The following PFKL variants were observed in gnomAD, a reference collection of about 807,000 sequenced individuals.
The protein encoded by PFKL is ATP-dependent 6-phosphofructokinase, liver type.
Under a neutral mutation model 92.1 loss-of-function variants are expected in PFKL, and 74 were observed. That is an observed-to-expected ratio of 0.80 (90% CI 0.67 to 0.97). PFKL has a LOEUF of 0.97. Among genes scored for constraint, PFKL ranks in the 50% least tolerant of loss-of-function variants. The pLI is 0.00. For synonymous variants in PFKL, 494 were observed against 456.4 expected, an observed-to-expected ratio of 1.08 and a Z score of -1.05; for missense variants, 1,028 against 1,116.6, an observed-to-expected ratio of 0.92 and a Z score of 1.13.
intron 19 of PFKL, 169 bp downstream of exon 19, chr21:44,325,433 G>A (rs1443448324): frequency 8.4e-6 from 5 of 598,032 alleles, no homozygotes; most frequent in African/African-American, 3.8e-5. Flanking sequence ...TCTAGGTGAG[G>A]TCTCATTTCA....
chr21:44,324,860 ACGTGGAGCACATGACGG>A lies in PFKL; in HGVS notation c.1821_1837del (p.Asn607LysfsTer20). ...CCGTGTCCGCCCCTCCCGCAGGTCAACGTGGAGCACATGACGGAGAAGATGAAGACAGACATTCAGAG... is the reference window on the plus strand; with the variant it reads ...CCGTGTCCGCCCCTCCCGCAGGTCAAAGAAGATGAAGACAGACATTCAGAG... On this transcript the variant is annotated frameshift_variant, in exon 18 of 22. Coordinates refer to ENST00000349048, the MANE Select transcript of PFKL (RefSeq NM_002626.6). LOFTEE classifies it high-confidence loss of function. 6.2e-7 allele frequency: 1 copy of A among 1,608,256 alleles called. No individual in the cohort carries two copies. The highest frequency in any genetic ancestry group is 1.1e-5 in the South Asian group (1 of 90,544).
chr21:44,312,415 C>G, intron 4 of PFKL, 121 bp downstream of exon 4: 1 of 934,986 alleles, frequency 1.1e-6, no homozygotes, highest in Non-Finnish European at 1.5e-6. Context: ...AGAGGAGGGG[C>G]TGTCTGGCCG....
chr21:44,300,068 GC>G lies in PFKL; in HGVS notation c.-37del. The G allele has an allele frequency of 1.0e-6, 1 of 996,854 alleles. No individual in the cohort carries two copies. Among genetic ancestry groups the G allele is most frequent in the Non-Finnish European group, 1.2e-6 (1 of 826,274 alleles). 61.8% of individuals were successfully genotyped at this position (996,854 alleles called of 1,614,324 possible). The stretch of plus-strand genomic sequence containing the variant: ...CGGGGACGGCGACGCGGCGCAGGCG[GC>G]GGGAGTGCGAGCTGGGCCCGTGTTT... On this transcript the variant is annotated 5_prime_UTR_variant, in exon 1 of 22. Coordinates refer to ENST00000349048, the MANE Select transcript of PFKL (RefSeq NM_002626.6).
chr21:44,321,963 G>A, intron 13 of PFKL, 88 bp downstream of exon 13: 1 of 1,493,596 alleles, frequency 6.7e-7, no homozygotes, highest in Non-Finnish European at 9.0e-7. Context: ...GCTGCTGGAG[G>A]TGGAGGCTGA....
chr21:44,322,679 A>G (rs116474982), intron 14 of PFKL, among the ~76,000 whole-genome samples: 3,025 of 152,238 alleles, frequency 0.02, 106 homozygotes, highest in African/African-American at 0.069. Context: ...GTGTTGGGCG[A>G]GAAAGCCTCG....
In PFKL at chr21:44,313,671, C is replaced by T. The variant is rs1324460416; in HGVS notation, c.627C>T (p.Gly209=). Residue 209 remains glycine, a synonymous_variant, in exon 6 of 22, where the codon GGC becomes GGT. Coordinates refer to ENST00000349048, the MANE Select transcript of PFKL (RefSeq NM_002626.6). ...GGACCTTCGTGCTGGAAGTGATGGG[C>T]CGGCACTGCGGGTGAGGAGGGGCTT... The part of the protein sequence containing the change: ...HQRTFVLEVM[G]RHCGYLALVS... The T allele has an allele frequency of 5.0e-6, 8 of 1,612,072 alleles. No individual in the cohort carries two copies. The highest frequency in any genetic ancestry group is 5.9e-6 in the Non-Finnish European group (7 of 1,179,612).
At chr21:44,326,365 C>A in intron 21 of PFKL, 101 bp downstream of exon 21, 2 of 860,100 alleles carry the variant, frequency 2.3e-6, no homozygotes, top group Non-Finnish European at 3.7e-6. Context: ...GGCACCCTGA[C>A]CCCGCAAGGC....
chr21:44,310,249 C>T (rs929733155), intron 2 of PFKL, among the ~76,000 whole-genome samples: 9 of 152,228 alleles, frequency 5.9e-5, no homozygotes, highest in African/African-American at 1.9e-4. Context: ...GCACGTGGCA[C>T]GGAGGCTGTG....
At position 44,318,600 on chromosome 21, in the gene PFKL, G is replaced by A; in HGVS notation, c.1062+5G>A. On this transcript the variant is annotated splice_donor_5th_base_variant and intron_variant, in intron 10 of 21. Transcript: ENST00000349048. ...CTCATGGAGTGCGTGCAGATGGTAA[G>A]CCCTGGGCCCCCCCCATCAGAACCG... 3 of 1,477,234 alleles carry A rather than the reference G, an allele frequency of 2.0e-6. No homozygotes were observed. Among genetic ancestry groups the A allele is most frequent in the Non-Finnish European group, 2.7e-6 (3 of 1,101,202 alleles). The allele number at this position is 1,477,234 out of a possible 1,614,324, so 91.5% of individuals were successfully genotyped here.
chr21:44,326,888 CA>C lies in PFKL; in HGVS notation c.*27del. On this transcript the variant is annotated 3_prime_UTR_variant, in exon 22 of 22. Transcript: ENST00000349048. ...GGCCAGCCATGCCCACGCCCCTCCC[CA>C]GCCCCCACCCATGCCAGCGCAGCGC... 1.9e-6 allele frequency: 3 copies of C among 1,582,880 alleles called. No homozygotes were observed. Among genetic ancestry groups the C allele is most frequent in the Non-Finnish European group, 2.6e-6 (3 of 1,162,318 alleles).
At chr21:44,325,469 C>T in intron 19 of PFKL, 1 of 588,350 alleles carries the variant, frequency 1.7e-6, no homozygotes, top group East Asian at 2.8e-5. Context: ...GGGGCTGGAG[C>T]CGGGGCCCGA....
chr21:44,306,612 G>C, intron 1 of PFKL, 69 bp from the exon 2 acceptor site: 1 of 1,388,050 alleles, frequency 7.2e-7, no homozygotes, highest in Non-Finnish European at 9.9e-7. Context: ...CCTGTCCTCT[G>C]AGATGGGGAG....
At chr21:44,319,748 C>A (rs1228747249) in intron 11 of PFKL, 9 of 521,002 alleles carry the variant, frequency 1.7e-5, no homozygotes, top group Non-Finnish European at 3.1e-5. Context: ...GGTACCACCC[C>A]CCTGCAGGCG....
Position 44,326,720 on chromosome 21 carries a change from G to A in PFKL, c.2201G>A (p.Arg734His), listed in dbSNP as rs2047524952. The change falls in exon 22 of 22, where the codon CGC becomes CAC. Residue 734 changes from arginine to histidine, a missense_variant. Transcript: ENST00000349048. The part of the protein sequence containing the change: ...ELKKDTDFEH[R>H]MPREQWWLSL... Reference sequence around the variant, plus strand: ...CCCATCCCCGTCCTGCACAGGCACCGCATGCCACGGGAGCAGTGGTGGCTG... The same window carrying A: ...CCCATCCCCGTCCTGCACAGGCACCACATGCCACGGGAGCAGTGGTGGCTG... 5 of 1,611,408 alleles carry A rather than the reference G, an allele frequency of 3.1e-6. No homozygotes were observed. The highest frequency in any genetic ancestry group is 2.5e-6 in the Non-Finnish European group (3 of 1,179,312).
intron 16 of PFKL, 69 bp downstream of exon 16, chr21:44,323,987 C>G (rs1376006011): frequency 6.4e-7 from 1 of 1,570,848 alleles, no homozygotes; most frequent in Non-Finnish European, 8.7e-7. Flanking sequence ...CCTACGGAGG[C>G]TGCTGGAGGG....
chr21:44,325,162 G>A lies in PFKL; in HGVS notation c.1887G>A (p.Lys629=). The A allele has an allele frequency of 6.2e-7, 1 of 1,610,602 alleles. No homozygotes were observed. Among genetic ancestry groups the A allele is most frequent in the Middle Eastern group, 1.7e-4 (1 of 6,058 alleles). Residue 629 remains lysine, a synonymous_variant, in exon 19 of 22, where the codon AAG becomes AAA. Transcript: ENST00000349048. ...IQRGLVLRNE[K]CHDYYTTEFL... ...CTGCTGCCCCTCTCAGGAACGAGAA[G>A]TGCCATGACTACTACACCACGGAGT...
rs561349901 is a variant in PFKL, at chr21:44,318,373, G to C, written c.937-97G>C. Reference sequence around the variant, plus strand: ...CTGGAAGCTTCCGTCAGCGTGGGGGGCTCTGGAAGCTGGGGTTTGCACATC... The same window carrying C: ...CTGGAAGCTTCCGTCAGCGTGGGGGCCTCTGGAAGCTGGGGTTTGCACATC... On this transcript the variant is annotated intron_variant, in intron 9 of 21. Coordinates refer to ENST00000349048, the MANE Select transcript of PFKL (RefSeq NM_002626.6). 28 of 1,284,402 alleles carry C rather than the reference G, an allele frequency of 2.2e-5. 1 individual carries two copies. The African/African-American group carries it at 4.1e-4, about 19-fold the overall frequency. 79.6% of individuals were successfully genotyped at this position (1,284,402 alleles called of 1,614,324 possible). A position where few individuals can be genotyped will look rare whatever the true frequency, so the allele number is the denominator to read the frequency against.
At chr21:44,307,455 C>G in intron 2 of PFKL, 1 of 247,908 alleles carries the variant, frequency 4.0e-6, no homozygotes, top group Non-Finnish European at 6.4e-6. Context: ...TTCCACAAGA[C>G]AAGGTCTTTT....
Position 44,324,849 on chromosome 21 carries a change from C to A in PFKL, c.1816-7C>A. On this transcript the variant is annotated splice_polypyrimidine_tract_variant and splice_region_variant and intron_variant, in intron 17 of 21. Coordinates refer to ENST00000349048, the MANE Select transcript of PFKL (RefSeq NM_002626.6). ...CTCCGGCTCATCCGTGTCCGCCCCT[C>A]CCGCAGGTCAACGTGGAGCACATGA... 6.2e-7 allele frequency: 1 copy of A among 1,606,338 alleles called. No individual in the cohort carries two copies. Among genetic ancestry groups the A allele is most frequent in the East Asian group, 2.3e-5 (1 of 44,440 alleles).
Sources: gnomAD v4.1 joint callset for allele counts (sites outside exome capture counted in the v4.1 genomes callset) on GRCh38, gnomAD v4.1.1 for gene constraint, MANE v1.5 for transcripts, NCBI Gene and HGNC (gene_info 2026-07-23, HGNC 2026-07-21) for gene names.